UBE2K: variants seen among roughly 807,000 people sequenced by gnomAD.
The protein encoded by UBE2K is ubiquitin-conjugating enzyme E2 K.
UBE2K carries 6 observed loss-of-function variants against 30.0 expected under a neutral mutation model. That is an observed-to-expected ratio of 0.20 (90% confidence interval 0.11 to 0.39). The LOEUF (loss-of-function observed/expected upper bound fraction) is 0.39. Among genes scored for constraint, UBE2K ranks in the 10% least tolerant of loss-of-function variants. The probability of loss-of-function intolerance (pLI) is 1.00; values close to 1 mark genes in which losing one functional copy is unlikely to be tolerated. For missense variants in UBE2K, 61 were observed against 241.6 expected, an observed-to-expected ratio of 0.25 and a Z score of 4.96; for synonymous variants, 86 against 83.7, an observed-to-expected ratio of 1.03 and a Z score of -0.15.
At chr4:39,719,285 A>G (rs1719289828) in intron 1 of UBE2K, among the ~76,000 whole-genome samples, 1 of 152,170 alleles carries the variant, frequency 6.6e-6, no homozygotes, top group South Asian at 2.1e-4. Context: ...CCTTTCTTGA[A>G]GCCAAAGTTT....
rs372834149 is a variant in UBE2K at position 39,728,827 on chromosome 4, G to GTT, written c.64-8581_64-8580dup. 1.1e-3 allele frequency among the ~76,000 whole-genome samples: 146 copies of GTT among 128,670 alleles called. 2 individuals carry two copies. Among genetic ancestry groups the GTT allele is most frequent in the African/African-American group, 3.1e-3 (111 of 36,268 alleles). 84.4% of individuals were successfully genotyped at this position (128,670 alleles called of 152,430 possible). On this transcript the variant is annotated intron_variant, in intron 1 of 6. Transcript: ENST00000261427. ...CTAGTAGGTTTTTTTTGTTTTTTTT[G>GTT]TTTTTTTTTTTTTGTATTTTTAGTA...
chr4:39,719,206 G>A (rs1336911379), intron 1 of UBE2K, among the ~76,000 whole-genome samples: 2 of 152,188 alleles, frequency 1.3e-5, no homozygotes, highest in Non-Finnish European at 2.9e-5. Context: ...TCATCTGTCT[G>A]GAATAAGCCC....
intron 1 of UBE2K, among the ~76,000 whole-genome samples, chr4:39,718,704 G>A (rs929344220): frequency 6.6e-6 from 1 of 152,246 alleles, no homozygotes; most frequent in Admixed American, 6.5e-5. Context: ...GGCCAGCACT[G>A]CTGGGGGACC....
At chr4:39,743,958 GT>G (rs1199026553) in intron 2 of UBE2K, among the ~76,000 whole-genome samples, 1 of 152,146 alleles carries the variant, frequency 6.6e-6, no homozygotes, top group Non-Finnish European at 1.5e-5. Flanking sequence ...CACCTCCTGG[GT>G]TCAAGCGATT....
intron 1 of UBE2K, among the ~76,000 whole-genome samples, chr4:39,736,107 A>G (rs951205455): frequency 3.3e-5 from 5 of 152,166 alleles, no homozygotes; most frequent in South Asian, 2.1e-4. Context: ...TCTAAAAGCA[A>G]AAAACATAAG....
At chr4:39,744,459 A>G (rs1720878084) in intron 2 of UBE2K, among the ~76,000 whole-genome samples, 2 of 151,912 alleles carry the variant, frequency 1.3e-5, no homozygotes, top group Admixed American at 6.6e-5. Context: ...GGCATGAGCC[A>G]CCGCGCCGAG....
In UBE2K at chr4:39,774,927, A is replaced by G; in HGVS notation, c.393A>G (p.Ala131=). The G allele has an allele frequency of 2.5e-6, 4 of 1,598,414 alleles. No homozygotes were observed. Among genetic ancestry groups the G allele is most frequent in the Non-Finnish European group, 3.4e-6 (4 of 1,170,542 alleles). ...EPDDPQDAVV[A]NQYKQNPEMF... ...ATGATCCACAGGATGCTGTAGTAGC[A>G]AATCAGGTAAGATGGCCGCTTTTGA... is the stretch of plus-strand genomic sequence containing the variant. Residue 131 remains alanine (A), a synonymous_variant, in exon 5 of 7, where the codon GCA becomes GCG. Transcript: ENST00000261427.
intron 4 of UBE2K, among the ~76,000 whole-genome samples, chr4:39,758,959 A>C (rs1453536135): frequency 6.6e-6 from 1 of 152,166 alleles, no homozygotes; most frequent in Non-Finnish European, 1.5e-5. Flanking sequence ...CAATTGAAAT[A>C]TTAGAATATA....
At chr4:39,735,557 A>G (rs1346300054) in intron 1 of UBE2K, among the ~76,000 whole-genome samples, 1 of 151,932 alleles carries the variant, frequency 6.6e-6, no homozygotes, top group African/African-American at 2.4e-5. Context: ...ATTTTTTTGT[A>G]TTTTTAGTAG....
At position 39,698,325 on chromosome 4, in the gene UBE2K, G is replaced by C; in HGVS notation, c.-3G>C. 1.2e-6 allele frequency: 2 copies of C among 1,611,952 alleles called. No homozygotes were observed. The highest frequency in any genetic ancestry group is 1.7e-6 in the Non-Finnish European group (2 of 1,179,266). On this transcript the variant is annotated 5_prime_UTR_variant, in exon 1 of 7. Coordinates refer to ENST00000261427, the MANE Select transcript of UBE2K (RefSeq NM_005339.5). Reference sequence around the variant, plus strand: ...CGGGTACGAATCAGCTGCGGGCGGAGACATGGCCAACATCGCGGTGCAGCG... The same window carrying C: ...CGGGTACGAATCAGCTGCGGGCGGACACATGGCCAACATCGCGGTGCAGCG...
At chr4:39,747,984 T>A (rs1721068047) in intron 3 of UBE2K, among the ~76,000 whole-genome samples, 1 of 152,018 alleles carries the variant, frequency 6.6e-6, no homozygotes, top group Non-Finnish European at 1.5e-5. Context: ...GTATTTTTAG[T>A]AGAGATGGCA....
intron 1 of UBE2K, among the ~76,000 whole-genome samples, chr4:39,709,707 G>T (rs1341938666): frequency 6.6e-6 from 1 of 151,992 alleles, no homozygotes; most frequent in Non-Finnish European, 1.5e-5. Context: ...ATATATGTGG[G>T]CTCTGTTCTC....
chr4:39,723,079 T>G (rs573374023), intron 1 of UBE2K, among the ~76,000 whole-genome samples: 2 of 151,736 alleles, frequency 1.3e-5, no homozygotes, highest in Non-Finnish European at 2.9e-5. Flanking sequence ...AGTGTCTCAC[T>G]GTCACCCAGA....
chr4:39,740,484 A>G (rs1720636691), intron 2 of UBE2K, among the ~76,000 whole-genome samples: 1 of 150,036 alleles, frequency 6.7e-6, no homozygotes, highest in African/African-American at 2.5e-5. Flanking sequence ...CGGAGCCTTC[A>G]GTGAGCCCAG....
intron 2 of UBE2K, among the ~76,000 whole-genome samples, chr4:39,744,255 C>G (rs1021889079): frequency 2.0e-5 from 3 of 151,950 alleles, no homozygotes; most frequent in African/African-American, 7.3e-5. Context: ...TCACTGCAAG[C>G]TCCGCCTCCC....
intron 1 of UBE2K, among the ~76,000 whole-genome samples, chr4:39,707,110 A>G (rs1402867120): frequency 6.6e-6 from 1 of 151,860 alleles, no homozygotes; most frequent in African/African-American, 2.4e-5. Context: ...GGATTTCACC[A>G]TGTTGACCAG....
intron 3 of UBE2K, among the ~76,000 whole-genome samples, chr4:39,751,515 C>CA (rs1466590505): frequency 6.6e-6 from 1 of 151,820 alleles, no homozygotes; most frequent in African/African-American, 2.4e-5. Flanking sequence ...CTTGTGTCCA[C>CA]AAAAAATATG....
chr4:39,747,266 CTTG>C, intron 3 of UBE2K, among the ~76,000 whole-genome samples: 1 of 152,126 alleles, frequency 6.6e-6, no homozygotes, highest in East Asian at 1.9e-4. Flanking sequence ...GTGTATTTAC[CTTG>C]TTGTTTAACC....
intron 4 of UBE2K, chr4:39,770,032 C>T (rs1712664905): frequency 2.8e-6 from 4 of 1,449,388 alleles, no homozygotes; most frequent in Non-Finnish European, 2.8e-6. Context: ...AGAGCCCTTT[C>T]CCCACCTAGC....
Sources: allele counts gnomAD v4.1 joint callset (sites outside exome capture counted in the v4.1 genomes callset), GRCh38; gene constraint gnomAD v4.1.1; transcripts MANE v1.5; gene names NCBI Gene and HGNC (gene_info 2026-07-23, HGNC 2026-07-21).